The following ADGRB1 variants were observed in gnomAD, a reference collection of about 807,000 sequenced individuals.
ADGRB1 encodes the protein brain-specific angiogenesis inhibitor 1.
A neutral mutation model predicts 175.7 loss-of-function variants in ADGRB1; 36 were observed. That is an observed-to-expected ratio of 0.20 (90% CI 0.16 to 0.27). The LOEUF (loss-of-function observed/expected upper bound fraction) is 0.27. ADGRB1 is among the 10% of genes least tolerant of loss of function. ADGRB1 has a pLI of 1.00. For synonymous variants in ADGRB1, 1,054 were observed against 979.4 expected (o/e 1.08, Z -1.42); for missense variants, 1,731 against 2,255.3 (o/e 0.77, Z 4.71).
In ADGRB1 at chr8:142,537,881, CA is replaced by C. The variant is rs1173347564; in HGVS notation, c.3666+800del. Among the ~76,000 whole-genome samples the C allele has an allele frequency of 1.3e-5, 2 of 152,162 alleles. No homozygotes were observed. Among genetic ancestry groups the C allele is most frequent in the African/African-American group, 4.8e-5 (2 of 41,444 alleles). The stretch of plus-strand genomic sequence containing the variant: ...CAGCCTTGTGCCCCTGGGGCTCAGC[CA>C]GGACCGTAGTGGGCTCCTAGTCACC... On this transcript the variant is annotated intron_variant, in intron 26 of 30. Transcript: ENST00000517894. This position sits in a 1 kb window ranked among gnomAD's most constrained non-coding sequence, Gnocchi z 4.6.
intron 2 of ADGRB1, among the ~76,000 whole-genome samples, chr8:142,468,221 TGTGTGC>T (rs999809279): frequency 1.1e-3 from 172 of 152,042 alleles, no homozygotes; most frequent in African/African-American, 3.8e-3. Flanking sequence ...TGTGTGTGTG[TGTGTGC>T]GTGTGCAGTA....
chr8:142,519,935 G>A (rs965310378), intron 19 of ADGRB1, among the ~76,000 whole-genome samples: 2 of 150,222 alleles, frequency 1.3e-5, no homozygotes, highest in Non-Finnish European at 1.5e-5. Context: ...TGGTGGTGGT[G>A]ATGGTGATGG....
chr8:142,517,668 G>C (rs776265774), intron 18 of ADGRB1, among the ~76,000 whole-genome samples: 5 of 152,134 alleles, frequency 3.3e-5, no homozygotes, highest in Non-Finnish European at 7.4e-5. Flanking sequence ...TGGGGTGTCA[G>C]GGCCTGGCTG....
intron 2 of ADGRB1, among the ~76,000 whole-genome samples, chr8:142,471,102 G>A (rs183265179): frequency 5.9e-5 from 9 of 152,144 alleles, no homozygotes; most frequent in Admixed American, 1.3e-4. Context: ...AGGGGTTTCT[G>A]GCTTGGACAG....
chr8:142,543,843 CA>C lies in ADGRB1; in HGVS notation c.4557+136del. ...TCGTTCATTCATTCATTCATTCGCC[CA>C]TCCCTGAGGGCTGGCCTGACCCTGC... On this transcript the variant is annotated intron_variant, in intron 30 of 30. Transcript: ENST00000517894. This position sits in a 1 kb window ranked among gnomAD's most constrained non-coding sequence, Gnocchi z 4.4. 2 of 963,338 alleles carry C rather than the reference CA, an allele frequency of 2.1e-6. No individual in the cohort carries two copies. Among genetic ancestry groups the C allele is most frequent in the Non-Finnish European group, 3.2e-6 (2 of 631,942 alleles). 59.7% of individuals were successfully genotyped at this position (963,338 alleles called of 1,614,324 possible).
In ADGRB1 at chr8:142,521,438, C is replaced by G. The variant is rs540524595; in HGVS notation, c.3024+513C>G. The stretch of plus-strand genomic sequence containing the variant: ...ATCCCACTAAATGTGGCAGGTGCAG[C>G]CTTTGGCTGGGGGCCTCTGCTTCCT... On this transcript the variant is annotated intron_variant, in intron 20 of 30. Transcript: ENST00000517894. Among the ~76,000 whole-genome samples, 5 of 152,336 alleles carry G rather than the reference C, an allele frequency of 3.3e-5. No individual in the cohort carries two copies. The East Asian group carries it at 9.7e-4, about 29-fold the overall frequency.
chr8:142,467,068 C>T (rs544782002), intron 2 of ADGRB1, among the ~76,000 whole-genome samples: 24 of 152,302 alleles, frequency 1.6e-4, no homozygotes, highest in Non-Finnish European at 2.2e-4. Flanking sequence ...GCGGGACAGA[C>T]GCATGTGACG....
chr8:142,461,038 G>A (rs569373274), intron 1 of ADGRB1, among the ~76,000 whole-genome samples: 1 of 152,340 alleles, frequency 6.6e-6, no homozygotes, highest in South Asian at 2.1e-4. Context: ...GGGGCGACCG[G>A]TGATACCAGG....
At chr8:142,490,837 G>A in intron 17 of ADGRB1, 22 bp downstream of exon 17, 2 of 1,569,304 alleles carry the variant, frequency 1.3e-6, no homozygotes. Context: ...TGGATTTCAT[G>A]GCCGTGGGGG....
chr8:142,476,966 A>T, intron 4 of ADGRB1, 148 bp from the exon 5 acceptor site: 2 of 1,202,246 alleles, frequency 1.7e-6, no homozygotes, highest in Non-Finnish European at 2.2e-6. Context: ...CCAGTTCTTG[A>T]GATCAGCCTG....
Position 142,470,150 on chromosome 8 carries a change from G to A in ADGRB1, c.784+5168G>A, listed in dbSNP as rs1228479573. Reference sequence around the variant, plus strand: ...CCAAGCAACTGTTCCCCTCCACCTCGTGCTGCCCCACGCCCCACCGCCCCC... The same window carrying A: ...CCAAGCAACTGTTCCCCTCCACCTCATGCTGCCCCACGCCCCACCGCCCCC... On this transcript the variant is annotated intron_variant, in intron 2 of 30. Coordinates refer to ENST00000517894, the MANE Select transcript of ADGRB1 (RefSeq NM_001702.3). Among the ~76,000 whole-genome samples, 7 of 152,112 alleles carry A rather than the reference G, an allele frequency of 4.6e-5. No homozygotes were observed. In the East Asian group the frequency reaches 1.2e-3, roughly 25 times the overall value.
rs182846800 is a variant in ADGRB1 at position 142,492,938 on chromosome 8, G to A, written c.2675+2123G>A. ...TCCATCCGGGCTGTTCGCCGGCCGC[G>A]GCAGCTCTCGGGGGGCTGCGCCCTG... On this transcript the variant is annotated intron_variant, in intron 17 of 30. Coordinates refer to ENST00000517894, the MANE Select transcript of ADGRB1 (RefSeq NM_001702.3). This position sits in a 1 kb window ranked among gnomAD's most constrained non-coding sequence, Gnocchi z 4.4. 2.6e-5 allele frequency among the ~76,000 whole-genome samples: 4 copies of A among 152,136 alleles called. No homozygotes were observed. The highest frequency in any genetic ancestry group is 2.0e-4 in the East Asian group (1 of 5,118).
rs1039163391 is a variant in ADGRB1 at position 142,464,102 on chromosome 8, C to T, written c.-97C>T. 4.7e-5 allele frequency: 51 copies of T among 1,079,848 alleles called. No individual in the cohort carries two copies. The highest frequency in any genetic ancestry group is 5.8e-5 in the Non-Finnish European group (50 of 858,734). 66.9% of individuals were successfully genotyped at this position (1,079,848 alleles called of 1,614,324 possible). ...CCTTGCCCCGCCTCCCTGCCCCCAC[C>T]GGGCCGGCCCTGCCCGCCGCCGGAC... On this transcript the variant is annotated 5_prime_UTR_variant, in exon 2 of 31. Coordinates refer to ENST00000517894, the MANE Select transcript of ADGRB1 (RefSeq NM_001702.3).
intron 2 of ADGRB1, among the ~76,000 whole-genome samples, chr8:142,469,155 GC>G (rs1840444127): frequency 1.3e-4 from 1 of 7,874 alleles, no homozygotes; most frequent in Non-Finnish European, 3.2e-4. Flanking sequence ...GTGCATGCGT[GC>G]ATGTGTGTGT....
At chr8:142,487,014 TAAAGAACAAAAAAAGAC>T (rs1313216243) in intron 13 of ADGRB1, among the ~76,000 whole-genome samples, 3 of 152,118 alleles carry the variant, frequency 2.0e-5, no homozygotes, top group African/African-American at 7.2e-5. Flanking sequence ...GCTGTCTCTT[TAAAGAACAAAAAAAGAC>T]AAAGTTCTGA....
At position 142,510,991 on chromosome 8, in the gene ADGRB1, T is replaced by C; in HGVS notation, c.2735T>C (p.Val912Ala). ...TGGTCGTGGCGCGGCTGCCGCACGGTGCCCCTCGACGCCCTCCGGACGCGC... is the reference window on the plus strand; with the variant it reads ...TGGTCGTGGCGCGGCTGCCGCACGGCGCCCCTCGACGCCCTCCGGACGCGC... ...GPWSWRGCRT[V>A]PLDALRTRCL... is the part of the protein sequence containing the mutation. Residue 912 changes from valine (V) to alanine (A), a missense_variant, in exon 18 of 31, where the codon GTG (valine) becomes GCG (alanine). Physicochemically the swap from Val to Ala is moderately conservative, Grantham distance 64. Transcript: ENST00000517894. The surrounding 1 kb of genome is among the most constrained non-coding windows in gnomAD (Gnocchi z 6.3). 2 of 1,296,484 alleles carry C rather than the reference T, an allele frequency of 1.5e-6. No homozygotes were observed. Among genetic ancestry groups the C allele is most frequent in the Admixed American group, 2.7e-5 (1 of 36,550 alleles). 80.3% of individuals were successfully genotyped at this position (1,296,484 alleles called of 1,614,324 possible). A position where few individuals can be genotyped will look rare whatever the true frequency, so the allele number is the denominator to read the frequency against.
intron 17 of ADGRB1, among the ~76,000 whole-genome samples, chr8:142,498,474 G>A (rs950540267): frequency 6.6e-6 from 1 of 152,138 alleles, no homozygotes; most frequent in Admixed American, 6.5e-5. Flanking sequence ...CCTGAGGGCT[G>A]GGGGCGTGCA....
intron 13 of ADGRB1, among the ~76,000 whole-genome samples, chr8:142,487,042 T>C (rs1386473903): frequency 6.6e-6 from 1 of 152,200 alleles, no homozygotes; most frequent in Non-Finnish European, 1.5e-5. Flanking sequence ...AAAGTTCTGA[T>C]TTTTCCATAG....
intron 18 of ADGRB1, among the ~76,000 whole-genome samples, chr8:142,514,095 A>G (rs1204299662): frequency 1.3e-5 from 2 of 151,958 alleles, no homozygotes; most frequent in Non-Finnish European, 2.9e-5. Context: ...GGTGCTGCCT[A>G]GCTTAGCCTG....
Sources: gnomAD v4.1 joint callset for allele counts (sites outside exome capture counted in the v4.1 genomes callset) on GRCh38, gnomAD v4.1.1 for gene constraint, Gnocchi (gnomAD v3.1) non-coding constraint, MANE v1.5 for transcripts, NCBI Gene and HGNC (gene_info 2026-07-23, HGNC 2026-07-21) for gene names.